TMEM67: variants seen among roughly 807,000 people sequenced by gnomAD.
TMEM67 encodes the protein transmembrane protein 67, also known as meckelin.
Under a neutral mutation model 136.6 loss-of-function variants are expected in TMEM67, and 124 were observed. The observed-to-expected ratio is 0.91, with a 90% CI of 0.78 to 1.05. TMEM67 has a LOEUF of 1.05. TMEM67 is among the 50% of genes least tolerant of loss of function. The pLI is 0.00. For missense variants in TMEM67, 1,107 were observed against 1,178.4 expected, an observed-to-expected ratio of 0.94 and a Z score of 0.89; for synonymous variants, 364 against 390.5, an observed-to-expected ratio of 0.93 and a Z score of 0.80.
chr8:93,772,422 C>T (rs542419909), intron 6 of TMEM67, among the ~76,000 whole-genome samples, 167 bp from the exon 7 acceptor site: 12 of 152,198 alleles, frequency 7.9e-5, no homozygotes, highest in South Asian at 6.2e-4. Context: ...TTTTGTAATG[C>T]GGTCCTATTT....
At position 93,797,162 on chromosome 8, in the gene TMEM67, C is replaced by G. The variant is rs779483635; in HGVS notation, c.1889C>G (p.Ser630Cys). ...KALQFLHKLI[S>C]QITIDVFFID... ...CTACAATTTTTGCATAAGCTCATAT[C>G]CCAGATTACAATAGATGTATTCTTT... The change falls in exon 19 of 28, where the codon TCC becomes TGC. Residue 630 changes from serine to cysteine, a missense_variant. Coordinates refer to ENST00000453321, the MANE Select transcript of TMEM67 (RefSeq NM_153704.6). 1 of 1,611,760 alleles carries G rather than the reference C, an allele frequency of 6.2e-7. No homozygotes were observed. The highest frequency in any genetic ancestry group is 1.3e-5 in the African/African-American group (1 of 74,992).
chr8:93,821,329 T>A (rs1191179375), downstream of TMEM67, among the ~76,000 whole-genome samples: 2 of 152,184 alleles, frequency 1.3e-5, no homozygotes, highest in African/African-American at 4.8e-5. Context: ...TTGCCCAGGT[T>A]TGAGTGCAGT....
At chr8:93,816,216 A>G (rs1226145077) in intron 27 of TMEM67, among the ~76,000 whole-genome samples, 156 bp from the exon 28 acceptor site, 1 of 152,226 alleles carries the variant, frequency 6.6e-6, no homozygotes. Context: ...AGAAATTATC[A>G]TCTTGAAATA....
chr8:93,809,964 T>A, intron 26 of TMEM67, 77 bp downstream of exon 26: 1 of 891,620 alleles, frequency 1.1e-6, no homozygotes. Context: ...GATATTTTTC[T>A]TTTTTTCTTT....
chr8:93,782,553 G>A (rs894177786), intron 11 of TMEM67, 93 bp downstream of exon 11: 1 of 898,560 alleles, frequency 1.1e-6, no homozygotes, highest in Non-Finnish European at 1.7e-6. Flanking sequence ...TTTTGAGATT[G>A]GAAATTTTTT....
intron 14 of TMEM67, among the ~76,000 whole-genome samples, chr8:93,789,917 C>T (rs1183486647): frequency 6.7e-6 from 1 of 149,954 alleles, no homozygotes; most frequent in Non-Finnish European, 1.5e-5. Context: ...AAAAATACAA[C>T]AACAAAAAAA....
intron 11 of TMEM67, among the ~76,000 whole-genome samples, chr8:93,783,340 T>G (rs1003902294): frequency 2.6e-5 from 4 of 152,244 alleles, no homozygotes; most frequent in African/African-American, 9.6e-5. Flanking sequence ...GTTTATCTGC[T>G]TCTAGGCTTA....
Position 93,817,952 on chromosome 8 carries a change from T to C in TMEM67, c.*1500T>C, listed in dbSNP as rs1341680113. ...AAAGAAATTCAACCATCATTCAACATAGAAGAAGTTAATTTTAGTGCAAAA... is the reference window on the plus strand; with the variant it reads ...AAAGAAATTCAACCATCATTCAACACAGAAGAAGTTAATTTTAGTGCAAAA... On this transcript the variant is annotated 3_prime_UTR_variant, in exon 28 of 28. Coordinates refer to ENST00000453321, the MANE Select transcript of TMEM67 (RefSeq NM_153704.6). 3.3e-5 allele frequency: 5 copies of C among 152,234 alleles called. No homozygotes were observed. Among genetic ancestry groups the C allele is most frequent in the Admixed American group, 6.5e-5 (1 of 15,282 alleles). The allele number at this position is 152,234 out of a possible 1,614,324, so 9.4% of individuals were successfully genotyped here.
At chr8:93,764,235 A>G (rs1812979170) in intron 4 of TMEM67, among the ~76,000 whole-genome samples, 1 of 152,192 alleles carries the variant, frequency 6.6e-6, no homozygotes, top group Admixed American at 6.5e-5. Context: ...TGGCTCAGAA[A>G]TAATAAGTAA....
intron 22 of TMEM67, 82 bp from the exon 23 acceptor site, chr8:93,804,678 AAG>A (rs1369440439): frequency 9.4e-6 from 7 of 743,478 alleles, no homozygotes; most frequent in Admixed American, 2.2e-5. Flanking sequence ...TTTTGGGAAA[AAG>A]AAAGCAATTT....
At chr8:93,796,016 T>C (rs771449982) in intron 18 of TMEM67, 29 bp downstream of exon 18, 1 of 1,402,058 alleles carries the variant, frequency 7.1e-7, no homozygotes, top group South Asian at 1.2e-5. Context: ...GTTACCAAAT[T>C]TAAAAGGCCT....
At chr8:93,824,654 T>C in the TMEM67 span, among the ~76,000 whole-genome samples, 2 of 152,210 alleles carry the variant, frequency 1.3e-5, no homozygotes, top group Non-Finnish European at 1.5e-5. Flanking sequence ...CCAACTTCTC[T>C]ATTTCCTTTG....
At chr8:93,766,840 A>G (rs2130593512) in intron 6 of TMEM67, among the ~76,000 whole-genome samples, 1 of 152,322 alleles carries the variant, frequency 6.6e-6, no homozygotes, top group South Asian at 2.1e-4. Flanking sequence ...ACAAAATAAA[A>G]GCTAAAATAC....
rs752704280 is a variant in TMEM67, at chr8:93,765,668, T to G, written c.651+22T>G. 7.1e-6 allele frequency: 11 copies of G among 1,554,122 alleles called. No homozygotes were observed. The East Asian group carries it at 1.6e-4, about 22-fold the overall frequency. On this transcript the variant is annotated intron_variant, in intron 6 of 27. Coordinates refer to ENST00000453321, the MANE Select transcript of TMEM67 (RefSeq NM_153704.6). ...AGTTGTGAGTATGTTTCAATTTTTT[T>G]GTTCTGTTGTTAAAAAACTTTCTAC...
the TMEM67 span, among the ~76,000 whole-genome samples, chr8:93,824,905 G>T: frequency 1.3e-5 from 2 of 151,934 alleles, no homozygotes; most frequent in East Asian, 3.9e-4. Context: ...TAGTAGAGAC[G>T]GGGTTTTACC....
chr8:93,785,359 T>C lies in TMEM67; in HGVS notation c.1269T>C (p.Asn423=). The C allele has an allele frequency of 6.2e-7, 1 of 1,612,664 alleles. No individual in the cohort carries two copies. The highest frequency in any genetic ancestry group is 1.1e-5 in the South Asian group (1 of 90,980). The part of the protein sequence containing the change: ...VPVLNLNLQH[N]KIFVNQDSNS... ...TGTTAAACCTAAATCTTCAACATAA[T>C]AAGATATTTGTGAACCAAGGTAAGA... Residue 423 remains asparagine, a synonymous_variant, in exon 12 of 28, where the codon AAT becomes AAC. Coordinates refer to ENST00000453321, the MANE Select transcript of TMEM67 (RefSeq NM_153704.6).
At chr8:93,800,624 A>G (rs974230418) in intron 21 of TMEM67, among the ~76,000 whole-genome samples, 2 of 152,174 alleles carry the variant, frequency 1.3e-5, no homozygotes, top group African/African-American at 4.8e-5. Context: ...ACTGAGACCC[A>G]GGAAGGCTAA....
rs192798824 is a variant in TMEM67 at position 93,803,275 on chromosome 8, A to G, written c.2242-329A>G. Among the ~76,000 whole-genome samples, 928 of 152,308 alleles carry G rather than the reference A, an allele frequency of 6.1e-3. 4 individuals carry two copies. Among genetic ancestry groups the G allele is most frequent in the Non-Finnish European group, 7.6e-3 (518 of 68,028 alleles). ...GATGAGCAAAATTGCAAACCCAAAC[A>G]TAAATCTGACCATCGATGCATTGAT... On this transcript the variant is annotated intron_variant, in intron 21 of 27. Transcript: ENST00000453321.
intron 11 of TMEM67, among the ~76,000 whole-genome samples, chr8:93,784,099 A>T (rs1424150087): frequency 6.6e-6 from 1 of 152,234 alleles, no homozygotes; most frequent in Non-Finnish European, 1.5e-5. Context: ...TTACCTCTGG[A>T]TAGTGGGGTT....
Sources: gnomAD v4.1 joint callset for allele counts (sites outside exome capture counted in the v4.1 genomes callset) on GRCh38, gnomAD v4.1.1 for gene constraint, MANE v1.5 for transcripts, NCBI Gene and HGNC (gene_info 2026-07-23, HGNC 2026-07-21) for gene names.